FER: variants seen among roughly 807,000 people sequenced by gnomAD.
The protein encoded by FER is FER tyrosine kinase, also known as tyrosine-protein kinase Fer.
In FER, 63 loss-of-function variants were observed where a neutral mutation model predicts 111.0. The observed-to-expected ratio is 0.57, with a 90% CI of 0.46 to 0.70. The LOEUF (loss-of-function observed/expected upper bound fraction) is 0.70. Among genes scored for constraint, FER ranks in the 30% least tolerant of loss-of-function variants. The pLI is 0.00. For missense variants in FER, 914 were observed against 954.0 expected (o/e 0.96, Z 0.55); for synonymous variants, 327 against 313.9 (o/e 1.04, Z -0.44).
intron 13 of FER, among the ~76,000 whole-genome samples, chr5:108,983,990 T>C (rs1762294267): frequency 6.6e-6 from 1 of 152,144 alleles, no homozygotes; most frequent in African/African-American, 2.4e-5. Flanking sequence ...GAGCACCTGC[T>C]TTGCCTCTGG....
intron 2 of FER, among the ~76,000 whole-genome samples, chr5:108,793,265 A>G (rs1755585326): frequency 6.6e-6 from 1 of 152,068 alleles, no homozygotes; most frequent in African/African-American, 2.4e-5. Context: ...TAATATAATG[A>G]CTGTGTCTGG....
intron 17 of FER, among the ~76,000 whole-genome samples, chr5:109,169,050 T>C (rs1354890501): frequency 6.6e-6 from 1 of 152,188 alleles, no homozygotes; most frequent in Non-Finnish European, 1.5e-5. Flanking sequence ...AAGTTAATAT[T>C]TGCTCAGACA....
At chr5:109,059,458 G>A (rs1044743960) in intron 16 of FER, among the ~76,000 whole-genome samples, 1 of 152,120 alleles carries the variant, frequency 6.6e-6, no homozygotes, top group South Asian at 2.1e-4. Flanking sequence ...AACCCGGGAG[G>A]CGGAGGTTGC....
chr5:109,045,596 A>T (rs1168105947), intron 15 of FER, among the ~76,000 whole-genome samples: 1 of 152,232 alleles, frequency 6.6e-6, no homozygotes, highest in East Asian at 1.9e-4. Context: ...TCACTGCCCA[A>T]TGTGCTAGAA....
chr5:109,061,961 T>G (rs1021425323), intron 16 of FER, among the ~76,000 whole-genome samples: 1 of 152,160 alleles, frequency 6.6e-6, no homozygotes, highest in Non-Finnish European at 1.5e-5. Flanking sequence ...AATTCAAGTT[T>G]AGAGTGAGTA....
intron 10 of FER, among the ~76,000 whole-genome samples, chr5:108,902,618 A>G (rs1750202200): frequency 6.6e-6 from 1 of 152,190 alleles, no homozygotes; most frequent in African/African-American, 2.4e-5. Context: ...GGAGGACCAT[A>G]GTGTAATGGA....
intron 5 of FER, among the ~76,000 whole-genome samples, chr5:108,854,821 A>G (rs1444863313): frequency 4.0e-5 from 6 of 151,842 alleles, no homozygotes; most frequent in East Asian, 1.9e-4. Flanking sequence ...GCACACGCCT[A>G]TAGTCCCAGC....
intron 13 of FER, among the ~76,000 whole-genome samples, chr5:108,984,392 G>T (rs551839229): frequency 1.4e-4 from 22 of 152,142 alleles, no homozygotes; most frequent in African/African-American, 3.9e-4. Context: ...CGAAATCCCA[G>T]TTATTATATA....
intron 13 of FER, among the ~76,000 whole-genome samples, chr5:109,029,752 G>T (rs950793146): frequency 2.0e-5 from 3 of 152,098 alleles, no homozygotes; most frequent in African/African-American, 4.8e-5. Context: ...CTGCTTTCAA[G>T]ACTCCTTGTC....
intron 18 of FER, among the ~76,000 whole-genome samples, chr5:109,184,811 GTTA>G (rs1241613601): frequency 6.6e-6 from 1 of 152,178 alleles, no homozygotes; most frequent in Non-Finnish European, 1.5e-5. Context: ...TGTCAGAGCA[GTTA>G]TTATAGCAGG....
chr5:109,077,404 T>C (rs1050134416), intron 16 of FER, among the ~76,000 whole-genome samples: 8 of 152,152 alleles, frequency 5.3e-5, no homozygotes, highest in Non-Finnish European at 1.0e-4. Context: ...TAAGGTAACA[T>C]AATTGTTAAT....
At chr5:108,834,829 C>T (rs1446658499) in intron 4 of FER, among the ~76,000 whole-genome samples, 1 of 151,888 alleles carries the variant, frequency 6.6e-6, no homozygotes, top group Non-Finnish European at 1.5e-5. Context: ...TTTATTCACA[C>T]AGTGTCATCG....
chr5:108,990,502 T>C (rs1763039442), intron 13 of FER, among the ~76,000 whole-genome samples: 1 of 151,674 alleles, frequency 6.6e-6, no homozygotes. Context: ...TTAATACATT[T>C]CAAAGAAATA....
At chr5:109,017,518 C>G (rs1048919938) in intron 13 of FER, among the ~76,000 whole-genome samples, 1 of 151,862 alleles carries the variant, frequency 6.6e-6, no homozygotes, top group Admixed American at 6.6e-5. Context: ...CACAGTCTTT[C>G]TGTTATTCAT....
rs1775304985 is a variant in FER at position 109,067,897 on chromosome 5, C to A, written c.1924+20699C>A. Among the ~76,000 whole-genome samples, 3 of 151,990 alleles carry A rather than the reference C, an allele frequency of 2.0e-5. No homozygotes were observed. In the South Asian group the frequency reaches 6.2e-4, roughly 32 times the overall value. ...CCGGTGGAGTCTGTGCTTCCAGAAG[C>A]CTTTATAATATTTTATATAAAAGCA... On this transcript the variant is annotated intron_variant, in intron 16 of 19. Transcript: ENST00000281092.
chr5:109,194,703 C>G lies in FER; in HGVS notation c.*7128C>G, dbSNP rs1255980591. On this transcript the variant is annotated 3_prime_UTR_variant, in exon 20 of 20. Transcript: ENST00000281092. ...GATATCAGTGGGAAACGTCGGCGTTCTGAGCAACACAGGATAAATGTAGGA... is the reference window on the plus strand; with the variant it reads ...GATATCAGTGGGAAACGTCGGCGTTGTGAGCAACACAGGATAAATGTAGGA... 6.6e-6 allele frequency: 1 copy of G among 152,158 alleles called. No individual in the cohort carries two copies. The highest frequency in any genetic ancestry group is 2.4e-5 in the African/African-American group (1 of 41,430). The allele number at this position is 152,158 out of a possible 1,614,324, so 9.4% of individuals were successfully genotyped here.
intron 2 of FER, among the ~76,000 whole-genome samples, chr5:108,768,829 T>A (rs1752593633): frequency 1.3e-5 from 1 of 77,952 alleles, no homozygotes; most frequent in African/African-American, 6.8e-5. Context: ...TATAATACAA[T>A]TTTTTTTTTT....
intron 2 of FER, among the ~76,000 whole-genome samples, chr5:108,793,507 T>A (rs953346588): frequency 9.2e-6 from 1 of 109,214 alleles, no homozygotes; most frequent in Admixed American, 8.9e-5. Flanking sequence ...ATCTATTTTT[T>A]TTTTGGCGGG....
intron 11 of FER, among the ~76,000 whole-genome samples, chr5:108,947,909 A>G (rs1162330165): frequency 6.6e-6 from 1 of 151,698 alleles, no homozygotes; most frequent in East Asian, 1.9e-4. Context: ...TATTTTTGAG[A>G]TGAGGTTTCA....
Sources: gnomAD v4.1 joint callset for allele counts (sites outside exome capture counted in the v4.1 genomes callset) on GRCh38, gnomAD v4.1.1 for gene constraint, MANE v1.5 for transcripts, NCBI Gene and HGNC (gene_info 2026-07-23, HGNC 2026-07-21) for gene names.